The following ARF4 variants were observed in gnomAD, a reference collection of about 807,000 sequenced individuals.
The protein encoded by ARF4 is ADP-ribosylation factor 4.
A neutral mutation model predicts 24.3 loss-of-function variants in ARF4; 5 were observed. The observed-to-expected ratio is 0.21, with a 90% CI of 0.11 to 0.43. The LOEUF (loss-of-function observed/expected upper bound fraction) is 0.43, where lower values mean the gene tolerates loss of function less well. Ranked by LOEUF, ARF4 falls within the 20% of genes least tolerant of loss-of-function variation. ARF4 has a pLI of 1.00. For missense variants in ARF4, 107 were observed against 213.0 expected, an observed-to-expected ratio of 0.50 and a Z score of 3.10; for synonymous variants, 62 against 73.5, an observed-to-expected ratio of 0.84 and a Z score of 0.80.
At chr3:57,574,425 TAAAG>T (rs2069879249) in intron 5 of ARF4, among the ~76,000 whole-genome samples, 18 of 151,074 alleles carry the variant, frequency 1.2e-4, no homozygotes, top group African/African-American at 4.4e-4. Flanking sequence ...TTTTTTTTTT[TAAAG>T]AAACAGTCTT....
intron 1 of ARF4, among the ~76,000 whole-genome samples, chr3:57,593,973 T>C (rs555044500): frequency 2.0e-5 from 3 of 152,242 alleles, no homozygotes; most frequent in African/African-American, 7.2e-5. Context: ...ATACAGAAGC[T>C]GGCTGGGTGT....
rs1475810399 is a variant in ARF4 at position 57,571,884 on chromosome 3, C to A, written c.*328G>T. 9.9e-5 allele frequency: 22 copies of A among 221,602 alleles called. No homozygotes were observed. Among genetic ancestry groups the A allele is most frequent in the African/African-American group, 4.8e-4 (21 of 43,744 alleles). 13.7% of individuals were successfully genotyped at this position (221,602 alleles called of 1,614,324 possible). On this transcript the variant is annotated 3_prime_UTR_variant, in exon 6 of 6. Coordinates refer to ENST00000303436, the MANE Select transcript of ARF4 (RefSeq NM_001660.4). ...TATCAGTAAAGTAGCAAGGGGATAA[C>A]TTTAAAACATTATTTGTCTGGGGCT... is the stretch of plus-strand genomic sequence containing the variant.
Position 57,597,110 on chromosome 3 carries a change from G to C in ARF4, c.31C>G (p.Arg11Gly). ...CGCATCTGCTTCTTGCCAAATAGTC[G>C]GGAGAAGAGGGAGGAGATAGTGAGG... MGLTISSLFS[R>G]LFGKKQMRIL... The change falls in exon 1 of 6, where the codon CGA (arginine) becomes GGA (glycine). Residue 11 changes from arginine to glycine, a missense_variant. Transcript: ENST00000303436. The C allele has an allele frequency of 1.2e-6, 2 of 1,614,110 alleles. No homozygotes were observed. The highest frequency in any genetic ancestry group is 1.7e-6 in the Non-Finnish European group (2 of 1,179,984).
chr3:57,584,455 T>C lies in ARF4; in HGVS notation c.77A>G (p.Asp26Gly), dbSNP rs1385837777. Residue 26 changes from aspartate to glycine, a missense_variant, in exon 2 of 6, where the codon GAT (aspartate) becomes GGT (glycine). Asp to Gly is a moderately conservative substitution (Grantham distance 94). Coordinates refer to ENST00000303436, the MANE Select transcript of ARF4 (RefSeq NM_001660.4). ...CAGAATGGTTGTCTTGCCAGCAGCA[T>C]CCAATCCAACTAGAAGAAGACATTA... ...KQMRILMVGLDAAGKTTILYK... is the reference protein window; with the variant it reads ...KQMRILMVGLGAAGKTTILYK... The C allele has an allele frequency of 6.2e-7, 1 of 1,613,028 alleles. No homozygotes were observed.
chr3:57,585,630 T>C, intron 1 of ARF4, among the ~76,000 whole-genome samples: 1 of 151,200 alleles, frequency 6.6e-6, no homozygotes, highest in Non-Finnish European at 1.5e-5. Flanking sequence ...AAAGACCCTA[T>C]CACATTCATC....
At position 57,597,255 on chromosome 3, in the gene ARF4, AG is replaced by A. The variant is rs2070201762; in HGVS notation, c.-116del. On this transcript the variant is annotated 5_prime_UTR_variant, in exon 1 of 6. Coordinates refer to ENST00000303436, the MANE Select transcript of ARF4 (RefSeq NM_001660.4). ...GAGAGGGAAGAGAAAGAGCGGAGGA[AG>A]AAAGAGGGAGGCAGAAACGTCTCAG... 2 of 1,022,804 alleles carry A rather than the reference AG, an allele frequency of 2.0e-6. No homozygotes were observed. The highest frequency in any genetic ancestry group is 4.4e-5 in the Admixed American group (2 of 45,254). 63.4% of individuals were successfully genotyped at this position (1,022,804 alleles called of 1,614,324 possible).
intron 1 of ARF4, among the ~76,000 whole-genome samples, chr3:57,588,329 C>G (rs1235681124): frequency 6.6e-6 from 1 of 152,236 alleles, no homozygotes; most frequent in Non-Finnish European, 1.5e-5. Context: ...CTTTGGGAGG[C>G]TGAGGCAGGC....
chr3:57,583,878 A>G lies in ARF4; in HGVS notation c.258+20T>C. ...TGAAACCCACAAAGAAAAGTTATAAAAACATACAGTATCCCTTACCTGGGT... is the reference window on the plus strand; with the variant it reads ...TGAAACCCACAAAGAAAAGTTATAAGAACATACAGTATCCCTTACCTGGGT... On this transcript the variant is annotated intron_variant, in intron 3 of 5. Transcript: ENST00000303436. 5.3e-6 allele frequency: 8 copies of G among 1,512,062 alleles called. No homozygotes were observed. The highest frequency in any genetic ancestry group is 6.4e-6 in the Non-Finnish European group (7 of 1,098,680). 93.7% of individuals were successfully genotyped at this position (1,512,062 alleles called of 1,614,324 possible).
chr3:57,573,095 A>G (rs976432445), intron 5 of ARF4, among the ~76,000 whole-genome samples: 6 of 151,522 alleles, frequency 4.0e-5, no homozygotes, highest in African/African-American at 1.5e-4. Flanking sequence ...CCAGCTACTC[A>G]GGAGGCTGAG....
chr3:57,578,787 G>T (rs2069936508), intron 3 of ARF4, among the ~76,000 whole-genome samples: 1 of 151,494 alleles, frequency 6.6e-6, no homozygotes, highest in Non-Finnish European at 1.5e-5. Context: ...CCCATTATTA[G>T]AATTCTATAC....
chr3:57,590,250 G>A (rs1413004452), intron 1 of ARF4, among the ~76,000 whole-genome samples: 2 of 152,022 alleles, frequency 1.3e-5, no homozygotes, highest in African/African-American at 4.8e-5. Context: ...ACTTTGGGAG[G>A]CTGAGGTGGA....
chr3:57,579,049 C>A (rs2069940010), intron 3 of ARF4, among the ~76,000 whole-genome samples: 1 of 152,020 alleles, frequency 6.6e-6, no homozygotes, highest in South Asian at 2.1e-4. Context: ...GTAATCCCAG[C>A]ATTCTGGGAG....
intron 1 of ARF4, among the ~76,000 whole-genome samples, chr3:57,588,749 G>C (rs2070068675): frequency 7.2e-6 from 1 of 138,972 alleles, no homozygotes; most frequent in South Asian, 2.3e-4. Context: ...CTGAGCTCAG[G>C]AGTTTGTGAC....
At chr3:57,584,238 C>T (rs2070009433) in intron 2 of ARF4, 146 bp downstream of exon 2, 1 of 852,158 alleles carries the variant, frequency 1.2e-6, no homozygotes, top group African/African-American at 1.7e-5. Context: ...GCTGGGATTA[C>T]AGGCATGAGC....
chr3:57,588,068 G>C (rs1195605141), intron 1 of ARF4, among the ~76,000 whole-genome samples: 1 of 151,994 alleles, frequency 6.6e-6, no homozygotes, highest in Admixed American at 6.6e-5. Flanking sequence ...GCAATATTTG[G>C]CAATGAAATT....
At chr3:57,576,032 A>G (rs2069898618) in intron 4 of ARF4, among the ~76,000 whole-genome samples, 1 of 152,220 alleles carries the variant, frequency 6.6e-6, no homozygotes, top group South Asian at 2.1e-4. Context: ...GGTACTTAGT[A>G]GCAGAAGTAC....
chr3:57,591,498 A>C (rs184969720), intron 1 of ARF4, among the ~76,000 whole-genome samples: 1,527 of 146,388 alleles, frequency 0.01, 13 homozygotes, highest in Non-Finnish European at 0.017. Flanking sequence ...ACAGAGTCTC[A>C]CTCTGTCACC....
At chr3:57,574,208 G>A (rs1015899590) in intron 5 of ARF4, among the ~76,000 whole-genome samples, 27 of 152,048 alleles carry the variant, frequency 1.8e-4, no homozygotes, top group African/African-American at 5.3e-4. Flanking sequence ...TAAAGTGCTG[G>A]GATTACAGGC....
Position 57,584,458 on chromosome 3 carries a change from A to C in ARF4, c.74T>G (p.Leu25Trp). The C allele has an allele frequency of 6.2e-7, 1 of 1,612,822 alleles. No individual in the cohort carries two copies. Among genetic ancestry groups the C allele is most frequent in the Non-Finnish European group, 8.5e-7 (1 of 1,178,868 alleles). Reference protein sequence around the residue: ...KKQMRILMVGLDAAGKTTILY... With the variant: ...KKQMRILMVGWDAAGKTTILY... ...AATGGTTGTCTTGCCAGCAGCATCCAATCCAACTAGAAGAAGACATTATAG... is the reference window on the plus strand; with the variant it reads ...AATGGTTGTCTTGCCAGCAGCATCCCATCCAACTAGAAGAAGACATTATAG... The change falls in exon 2 of 6, where the codon TTG becomes TGG. Residue 25 changes from leucine (L) to tryptophan (W), a missense_variant. Transcript: ENST00000303436.
Sources: allele counts gnomAD v4.1 joint callset (sites outside exome capture counted in the v4.1 genomes callset), GRCh38; gene constraint gnomAD v4.1.1; transcripts MANE v1.5; gene names NCBI Gene and HGNC (gene_info 2026-07-23, HGNC 2026-07-21).